HSD17B12: variants seen among roughly 807,000 people sequenced by gnomAD.
HSD17B12 encodes hydroxysteroid 17-beta dehydrogenase 12.
In HSD17B12, 32 loss-of-function variants were observed where a neutral mutation model predicts 39.3. The observed-to-expected ratio is 0.81, with a 90% CI of 0.61 to 1.09. HSD17B12 has a LOEUF of 1.09. HSD17B12 is among the 50% of genes least tolerant of loss of function. The probability of loss-of-function intolerance (pLI) is 0.00; values close to 1 mark genes in which losing one functional copy is unlikely to be tolerated. For missense variants in HSD17B12, 342 were observed against 382.9 expected (o/e 0.89, Z 0.89); for synonymous variants, 150 against 146.7 (o/e 1.02, Z -0.16).
intron 1 of HSD17B12, among the ~76,000 whole-genome samples, chr11:43,733,557 T>C (rs1950288660): frequency 6.6e-6 from 1 of 152,234 alleles, no homozygotes; most frequent in African/African-American, 2.4e-5. Flanking sequence ...TTCTGTAGTG[T>C]AAATTGAGTG....
intron 3 of HSD17B12, among the ~76,000 whole-genome samples, chr11:43,781,798 G>A (rs1286388837): frequency 6.6e-6 from 1 of 151,964 alleles, no homozygotes; most frequent in African/African-American, 2.4e-5. Context: ...TGCTTTTTAA[G>A]GCCAAATTTG....
At chr11:43,720,952 C>G (rs1016931339) in intron 1 of HSD17B12, among the ~76,000 whole-genome samples, 1 of 151,952 alleles carries the variant, frequency 6.6e-6, no homozygotes, top group Non-Finnish European at 1.5e-5. Context: ...TTGTGTTGGG[C>G]CTTCATTTCC....
At chr11:43,583,769 G>T in the HSD17B12 span, among the ~76,000 whole-genome samples, 1 of 152,094 alleles carries the variant, frequency 6.6e-6, no homozygotes, top group African/African-American at 2.4e-5. Context: ...GGGCCTGATG[G>T]AAACTTCCAG....
chr11:43,652,401 A>G, the HSD17B12 span, among the ~76,000 whole-genome samples: 2 of 152,188 alleles, frequency 1.3e-5, no homozygotes, highest in Non-Finnish European at 2.9e-5. Flanking sequence ...TTTTTCCCCT[A>G]CACACCAGAC....
At chr11:43,772,617 G>A (rs1334088730) in intron 3 of HSD17B12, among the ~76,000 whole-genome samples, 2 of 152,144 alleles carry the variant, frequency 1.3e-5, no homozygotes, top group Non-Finnish European at 2.9e-5. Context: ...AGACTTTTAG[G>A]AGTGTTAATA....
chr11:43,611,586 G>T, the HSD17B12 span, among the ~76,000 whole-genome samples: 1 of 152,270 alleles, frequency 6.6e-6, no homozygotes, highest in Admixed American at 6.5e-5. Context: ...TTCCAGACTG[G>T]GTTGGAGCCT....
At chr11:43,742,139 A>ATATATATATATT (rs61178234) in intron 1 of HSD17B12, among the ~76,000 whole-genome samples, 15 of 123,488 alleles carry the variant, frequency 1.2e-4, no homozygotes, top group African/African-American at 1.8e-4. Context: ...ATATATATAT[A>ATATATATATATT]TTTTTTTTTT....
At chr11:43,741,145 G>A (rs1950360640) in intron 1 of HSD17B12, among the ~76,000 whole-genome samples, 2 of 152,170 alleles carry the variant, frequency 1.3e-5, no homozygotes, top group South Asian at 4.1e-4. Context: ...GTTTTCCAAA[G>A]ATCAACCAAG....
chr11:43,761,283 A>G (rs1290199628), intron 3 of HSD17B12, among the ~76,000 whole-genome samples: 1 of 152,262 alleles, frequency 6.6e-6, no homozygotes, highest in African/African-American at 2.4e-5. Context: ...AGACAATGCA[A>G]ATAATTACAT....
At chr11:43,631,411 C>T in the HSD17B12 span, among the ~76,000 whole-genome samples, 15 of 152,272 alleles carry the variant, frequency 9.9e-5, no homozygotes, top group South Asian at 3.1e-3. Context: ...GAACATGTCC[C>T]ATCCTAATAG....
At chr11:43,782,151 T>C (rs1414500209) in intron 3 of HSD17B12, among the ~76,000 whole-genome samples, 1 of 152,200 alleles carries the variant, frequency 6.6e-6, no homozygotes, top group East Asian at 1.9e-4. Flanking sequence ...CCTACAAAGC[T>C]CACATATTTA....
chr11:43,845,194 G>C (rs1243544672), intron 9 of HSD17B12, among the ~76,000 whole-genome samples: 1 of 152,128 alleles, frequency 6.6e-6, no homozygotes, highest in Non-Finnish European at 1.5e-5. Flanking sequence ...TTGTCACCTA[G>C]GCTGGTCTCA....
At chr11:43,816,849 A>G (rs1951128103) in intron 6 of HSD17B12, among the ~76,000 whole-genome samples, 1 of 151,890 alleles carries the variant, frequency 6.6e-6, no homozygotes, top group Non-Finnish European at 1.5e-5. Context: ...TCCCACTTAT[A>G]AGTGAGAACA....
chr11:43,712,723 TA>T (rs1950079519), intron 1 of HSD17B12, among the ~76,000 whole-genome samples: 1 of 152,128 alleles, frequency 6.6e-6, no homozygotes, highest in Non-Finnish European at 1.5e-5. Flanking sequence ...GGTGCGTCCT[TA>T]ACGTTGGCAA....
chr11:43,769,886 A>G (rs1950633021), intron 3 of HSD17B12, among the ~76,000 whole-genome samples: 1 of 152,166 alleles, frequency 6.6e-6, no homozygotes, highest in Non-Finnish European at 1.5e-5. Context: ...TCCATTTTGT[A>G]TTCTTTCGAT....
intron 3 of HSD17B12, among the ~76,000 whole-genome samples, chr11:43,769,430 A>G (rs16937629): frequency 0.027 from 4,112 of 152,330 alleles, 190 homozygotes; most frequent in African/African-American, 0.092. Flanking sequence ...TCTTAGAGCA[A>G]TTATGAGGAC....
chr11:43,731,477 T>A (rs1041820620), intron 1 of HSD17B12, among the ~76,000 whole-genome samples: 3 of 152,238 alleles, frequency 2.0e-5, no homozygotes, highest in Non-Finnish European at 4.4e-5. Flanking sequence ...TTATATACAG[T>A]ATTTCAAGGG....
At chr11:43,571,284 T>G in the HSD17B12 span, among the ~76,000 whole-genome samples, 1 of 152,218 alleles carries the variant, frequency 6.6e-6, no homozygotes, top group African/African-American at 2.4e-5. Context: ...TGCTGCAGAT[T>G]GTTCTTTTCT....
At chr11:43,743,752 C>T (rs1363685724) in intron 1 of HSD17B12, among the ~76,000 whole-genome samples, 2 of 152,274 alleles carry the variant, frequency 1.3e-5, no homozygotes, top group East Asian at 3.9e-4. Context: ...CCGTTGATTG[C>T]ATTGTATTGA....
Sources: gnomAD v4.1 joint callset for allele counts (sites outside exome capture counted in the v4.1 genomes callset) on GRCh38, gnomAD v4.1.1 for gene constraint, MANE v1.5 for transcripts, NCBI Gene and HGNC (gene_info 2026-07-23, HGNC 2026-07-21) for gene names.